MAPK10: variants seen among roughly 807,000 people sequenced by gnomAD.
The protein encoded by MAPK10 is JNK3 alpha protein kinase.
A neutral mutation model predicts 59.3 loss-of-function variants in MAPK10; 25 were observed. The observed-to-expected ratio is 0.42, with a 90% CI of 0.31 to 0.59. MAPK10 has a LOEUF of 0.59. Among genes scored for constraint, MAPK10 ranks in the 20% least tolerant of loss-of-function variants. The pLI, the probability that MAPK10 is intolerant of heterozygous loss-of-function variation, is 0.15. For missense variants in MAPK10, 351 were observed against 568.9 expected (o/e 0.62, Z 3.90); for synonymous variants, 190 against 200.5 (o/e 0.95, Z 0.44).
At chr4:86,256,020 G>C (rs1369156692) in intron 2 of MAPK10, among the ~76,000 whole-genome samples, 1 of 152,180 alleles carries the variant, frequency 6.6e-6, no homozygotes, top group Non-Finnish European at 1.5e-5. Context: ...AGGCGAGCAG[G>C]TGTCAGACAG....
intron 1 of MAPK10, among the ~76,000 whole-genome samples, chr4:86,420,178 G>A (rs1746332100): frequency 1.3e-5 from 2 of 152,222 alleles, no homozygotes; most frequent in South Asian, 2.1e-4. Context: ...GAGGTAGTAA[G>A]TTAGGTAGAT....
At chr4:86,050,822 A>G (rs2043369628) in intron 11 of MAPK10, among the ~76,000 whole-genome samples, 1 of 152,194 alleles carries the variant, frequency 6.6e-6, no homozygotes, top group Non-Finnish European at 1.5e-5. Context: ...TGAAAACAGC[A>G]TTCTGGCATA....
intron 13 of MAPK10, chr4:86,020,757 A>T (rs7692676): frequency 6.5e-6 from 1 of 153,516 alleles, no homozygotes; most frequent in Non-Finnish European, 1.4e-5. Flanking sequence ...CGTTCCTCCC[A>T]GTGGGCTCGT....
intron 3 of MAPK10, among the ~76,000 whole-genome samples, chr4:86,170,136 G>C (rs1366747126): frequency 2.0e-5 from 3 of 151,672 alleles, no homozygotes; most frequent in African/African-American, 4.9e-5. Flanking sequence ...TCGAGACTAG[G>C]AAGAAACTGC....
chr4:86,166,634 A>G (rs1161011171), intron 3 of MAPK10, among the ~76,000 whole-genome samples: 2 of 152,166 alleles, frequency 1.3e-5, no homozygotes, highest in African/African-American at 4.8e-5. Flanking sequence ...ATTACAGGAT[A>G]AGAAGATATT....
At chr4:86,401,709 G>A (rs1053237724) in intron 1 of MAPK10, among the ~76,000 whole-genome samples, 1 of 152,010 alleles carries the variant, frequency 6.6e-6, no homozygotes, top group Non-Finnish European at 1.5e-5. Flanking sequence ...ATCTCTTAAA[G>A]TTTCCATTTT....
chr4:86,581,293 G>A (rs1305498009), intron 1 of MAPK10, among the ~76,000 whole-genome samples: 1 of 151,732 alleles, frequency 6.6e-6, no homozygotes, highest in Non-Finnish European at 1.5e-5. Context: ...GGAAAGATCA[G>A]CTCTATTCCC....
chr4:86,124,761 G>T (rs1455314165), intron 4 of MAPK10: 2 of 152,052 alleles, frequency 1.3e-5, no homozygotes, highest in Non-Finnish European at 1.5e-5. Context: ...GTTCTGAATT[G>T]TATGATCTAT....
intron 3 of MAPK10, among the ~76,000 whole-genome samples, chr4:86,181,833 A>G (rs1343994074): frequency 1.3e-5 from 2 of 152,080 alleles, no homozygotes; most frequent in African/African-American, 2.4e-5. Context: ...AGTGTGTAGG[A>G]GTTGGGGAGC....
At chr4:86,499,509 A>G (rs1755140770) in intron 1 of MAPK10, among the ~76,000 whole-genome samples, 1 of 152,212 alleles carries the variant, frequency 6.6e-6, no homozygotes, top group Non-Finnish European at 1.5e-5. Context: ...CCAGGTCACG[A>G]AACACACTGG....
chr4:86,066,901 TC>T (rs2148992875), intron 10 of MAPK10, among the ~76,000 whole-genome samples: 1 of 152,266 alleles, frequency 6.6e-6, no homozygotes, highest in East Asian at 1.9e-4. Flanking sequence ...CAATGCTTTA[TC>T]TTTCATTCTT....
At chr4:86,471,275 C>CAAAAAAA (rs60423060) in intron 1 of MAPK10, among the ~76,000 whole-genome samples, 1 of 96,876 alleles carries the variant, frequency 1.0e-5, no homozygotes, top group African/African-American at 3.9e-5. Flanking sequence ...TGCCCCCCTG[C>CAAAAAAA]AAAAAAAAAA....
chr4:86,401,028 A>G (rs1479706893), intron 1 of MAPK10, among the ~76,000 whole-genome samples: 1 of 152,148 alleles, frequency 6.6e-6, no homozygotes, highest in Non-Finnish European at 1.5e-5. Context: ...AAAAATTACA[A>G]ATTAGTGGTC....
intron 1 of MAPK10, among the ~76,000 whole-genome samples, chr4:86,546,917 G>A (rs185665599): frequency 2.0e-5 from 3 of 152,198 alleles, no homozygotes; most frequent in Admixed American, 6.5e-5. Context: ...TTAGCTGGGC[G>A]TGGTGGCGGG....
At chr4:86,579,286 AG>A (rs1324590745) in intron 1 of MAPK10, among the ~76,000 whole-genome samples, 1 of 152,104 alleles carries the variant, frequency 6.6e-6, no homozygotes, top group Non-Finnish European at 1.5e-5. Flanking sequence ...TTCCTTTCTC[AG>A]GTGTTTCTCT....
At chr4:86,238,364 T>A (rs758846338) in intron 2 of MAPK10, among the ~76,000 whole-genome samples, 10 of 152,200 alleles carry the variant, frequency 6.6e-5, no homozygotes, top group Non-Finnish European at 1.2e-4. Flanking sequence ...TTAAAATAGT[T>A]TTTTTCTAAT....
At chr4:86,368,192 T>A (rs1738212825) in intron 1 of MAPK10, among the ~76,000 whole-genome samples, 1 of 152,170 alleles carries the variant, frequency 6.6e-6, no homozygotes, top group Admixed American at 6.5e-5. Flanking sequence ...CTTACTTTTC[T>A]TTTTAACTAA....
At position 86,370,741 on chromosome 4, in the gene MAPK10, A is replaced by C. The variant is rs190896764; in HGVS notation, c.-121-16097T>G. On this transcript the variant is annotated intron_variant, in intron 1 of 13. Transcript: ENST00000361569. ...TGGGAAGAAGCATAGTCAAATAAAA[A>C]TGGAAACCTTAGTCTCAGTTCCACT... is the stretch of plus-strand genomic sequence containing the variant. The C allele has an allele frequency of 5.9e-5, 9 of 152,342 alleles. No individual in the cohort carries two copies. The East Asian group carries it at 1.7e-3, about 29-fold the overall frequency. 9.4% of individuals were successfully genotyped at this position (152,342 alleles called of 1,614,324 possible).
chr4:86,481,389 C>T (rs1753601958), intron 1 of MAPK10, among the ~76,000 whole-genome samples: 2 of 149,098 alleles, frequency 1.3e-5, no homozygotes, highest in South Asian at 4.2e-4. Context: ...TGAACCCCAA[C>T]ATGGCCACAG....
Sources: gnomAD v4.1 joint callset for allele counts (sites outside exome capture counted in the v4.1 genomes callset) on GRCh38, gnomAD v4.1.1 for gene constraint, MANE v1.5 for transcripts, NCBI Gene and HGNC (gene_info 2026-07-23, HGNC 2026-07-21) for gene names.